Variants in RCC1L observed in about 807,000 individuals in gnomAD.
RCC1L encodes the protein RCC1 like.
RCC1L carries 46 observed loss-of-function variants against 58.6 expected under a neutral mutation model. The observed-to-expected ratio is 0.79, with a 90% CI of 0.62 to 1.00. RCC1L has a LOEUF of 1.00. Among genes scored for constraint, RCC1L ranks in the 50% least tolerant of loss-of-function variants. The pLI, the probability that RCC1L is intolerant of heterozygous loss-of-function variation, is 0.00. For missense variants in RCC1L, 636 were observed against 623.6 expected, an observed-to-expected ratio of 1.02 and a Z score of -0.21; for synonymous variants, 281 against 262.9, an observed-to-expected ratio of 1.07 and a Z score of -0.67.
chr7:75,044,965 T>C (rs1038543302), intron 10 of RCC1L, among the ~76,000 whole-genome samples: 2 of 152,110 alleles, frequency 1.3e-5, no homozygotes, highest in Admixed American at 1.3e-4. Flanking sequence ...GAGGTTGCAG[T>C]GAGCCGAGAT....
intron 3 of RCC1L, among the ~76,000 whole-genome samples, chr7:75,065,681 A>AC (rs1461355329): frequency 6.6e-6 from 1 of 152,196 alleles, no homozygotes; most frequent in Non-Finnish European, 1.5e-5. Flanking sequence ...CCAACTACTT[A>AC]GAGTATGTGT....
In RCC1L at chr7:75,058,694, A is replaced by C; in HGVS notation, c.863T>G (p.Val288Gly). ...CAGGCAGCAATCACCGTAGGTGGCA[A>C]CTTGGATAACGTTCACTCCCGCCAG... Reference protein sequence around the residue: ...GDLAGVNVIQVATYGDCCLAV... With the variant: ...GDLAGVNVIQGATYGDCCLAV... Residue 288 changes from valine to glycine, a missense_variant, in exon 7 of 11, where the codon GTT (valine) becomes GGT (glycine). Coordinates refer to ENST00000610322, the MANE Select transcript of RCC1L (RefSeq NM_030798.5). 6.2e-7 allele frequency: 1 copy of C among 1,613,990 alleles called. No individual in the cohort carries two copies. Among genetic ancestry groups the C allele is most frequent in the Admixed American group, 1.7e-5 (1 of 60,012 alleles).
intron 1 of RCC1L, among the ~76,000 whole-genome samples, chr7:75,071,067 G>A (rs1554446012): frequency 9.9e-5 from 15 of 152,060 alleles, no homozygotes. Flanking sequence ...TGTTGGCCCA[G>A]GTGATCTCAA....
chr7:75,036,185 TG>T (rs1389655071), intron 10 of RCC1L, among the ~76,000 whole-genome samples: 5 of 150,834 alleles, frequency 3.3e-5, no homozygotes, highest in African/African-American at 1.2e-4. Context: ...GGTGTAATCT[TG>T]GCTCACTGCA....
At chr7:75,072,858 T>C (rs1226800828) in intron 1 of RCC1L, among the ~76,000 whole-genome samples, 1 of 152,158 alleles carries the variant, frequency 6.6e-6, no homozygotes, top group Non-Finnish European at 1.5e-5. Context: ...GACGATCTCT[T>C]GAGCCCAGGA....
At chr7:75,049,370 A>T (rs1159532070) in intron 10 of RCC1L, among the ~76,000 whole-genome samples, 1 of 152,084 alleles carries the variant, frequency 6.6e-6, no homozygotes, top group Non-Finnish European at 1.5e-5. Flanking sequence ...AAATATAAAT[A>T]ATAAAATAAG....
In RCC1L at chr7:75,042,724, C is replaced by A. The variant is rs978017968; in HGVS notation, c.*308G>T. ...CTAAGCTTTCCTAAGACGGGCTTCT[C>A]AGGCGAGACGTGACACCAGACACCG... On this transcript the variant is annotated 3_prime_UTR_variant, in exon 11 of 11. Transcript: ENST00000610322. 1 of 1,303,814 alleles carries A rather than the reference C, an allele frequency of 7.7e-7. No homozygotes were observed. The highest frequency in any genetic ancestry group is 1.5e-5 in the African/African-American group (1 of 66,800). The allele number at this position is 1,303,814 out of a possible 1,614,324, so 80.8% of individuals were successfully genotyped here.
intron 10 of RCC1L, among the ~76,000 whole-genome samples, chr7:75,049,855 G>A (rs1404319984): frequency 2.0e-5 from 3 of 152,054 alleles, no homozygotes; most frequent in Non-Finnish European, 2.9e-5. Context: ...CTCCAGCTTG[G>A]GTGACAGAGC....
chr7:75,066,638 C>T (rs1554445167), intron 3 of RCC1L, 26 bp downstream of exon 3: 5 of 1,608,362 alleles, frequency 3.1e-6, no homozygotes, highest in Non-Finnish European at 3.4e-6. Flanking sequence ...TGCACTCTTC[C>T]ATCACCCTTC....
intron 3 of RCC1L, among the ~76,000 whole-genome samples, chr7:75,066,119 C>T (rs1238566361): frequency 6.6e-6 from 1 of 151,798 alleles, no homozygotes; most frequent in African/African-American, 2.4e-5. Context: ...TTTATAAATA[C>T]ATGTGATTTT....
At chr7:75,072,192 G>GTATATATATATATATATATGGA (rs1806785594) in intron 1 of RCC1L, among the ~76,000 whole-genome samples, 1 of 63,254 alleles carries the variant, frequency 1.6e-5, no homozygotes. Context: ...ATATATATAT[G>GTATATATATATATATATATGGA]GAGAGAGAGA....
intron 5 of RCC1L, among the ~76,000 whole-genome samples, chr7:75,062,160 T>TTA (rs1806296541): frequency 6.6e-6 from 1 of 150,822 alleles, no homozygotes; most frequent in African/African-American, 2.4e-5. Context: ...TGCACTAAAA[T>TTA]AAAAAAAAAG....
At chr7:75,056,623 G>C in intron 8 of RCC1L, 1 of 1,535,256 alleles carries the variant, frequency 6.5e-7, no homozygotes, top group Admixed American at 2.0e-5. Context: ...GGAGAAGGCA[G>C]AGCTGGAGTC....
chr7:75,072,155 C>CATATAGATATATATATATAT (rs1212608729), intron 1 of RCC1L, among the ~76,000 whole-genome samples: 1 of 48,150 alleles, frequency 2.1e-5, no homozygotes, highest in Non-Finnish European at 4.3e-5. Context: ...TATACATATA[C>CATATAGATATATATATATAT]ATATACATAT....
intron 8 of RCC1L, chr7:75,056,827 T>C: frequency 8.4e-7 from 1 of 1,193,012 alleles, no homozygotes; most frequent in Non-Finnish European, 1.2e-6. Flanking sequence ...CCATAGTCCC[T>C]TCCTTTTTTG....
At chr7:75,045,454 C>A (rs1237593285) in intron 10 of RCC1L, among the ~76,000 whole-genome samples, 1 of 151,940 alleles carries the variant, frequency 6.6e-6, no homozygotes, top group Non-Finnish European at 1.5e-5. Flanking sequence ...TGCTGGGATT[C>A]CAGGTGTGAT....
intron 10 of RCC1L, among the ~76,000 whole-genome samples, chr7:75,034,351 A>G (rs1805387946): frequency 6.6e-6 from 1 of 152,138 alleles, no homozygotes; most frequent in African/African-American, 2.4e-5. Flanking sequence ...TCCCGTCTCT[A>G]CGAAAATACA....
chr7:75,055,502 G>A (rs1367622449), intron 9 of RCC1L: 7 of 285,762 alleles, frequency 2.4e-5, no homozygotes, highest in Non-Finnish European at 4.8e-5. Flanking sequence ...GTCAGATCAG[G>A]GTCTGGGCTC....
intron 10 of RCC1L, among the ~76,000 whole-genome samples, chr7:75,044,774 C>T (rs1416976689): frequency 5.3e-5 from 8 of 152,028 alleles, no homozygotes; most frequent in African/African-American, 1.7e-4. Context: ...CAGTGGCTCA[C>T]GCCTGTAATC....
Sources: gnomAD v4.1 joint callset for allele counts (sites outside exome capture counted in the v4.1 genomes callset) on GRCh38, gnomAD v4.1.1 for gene constraint, MANE v1.5 for transcripts, NCBI Gene and HGNC (gene_info 2026-07-23, HGNC 2026-07-21) for gene names.